The following VEPH1 variants were observed in gnomAD, a reference collection of about 807,000 sequenced individuals.
VEPH1 encodes the protein ventricular zone-expressed PH domain-containing protein homolog 1.
A neutral mutation model predicts 85.2 loss-of-function variants in VEPH1; 80 were observed. The observed-to-expected ratio is 0.94, with a 90% CI of 0.78 to 1.13. VEPH1 has a LOEUF of 1.13. VEPH1 is among the 50% of genes most tolerant of loss of function. The pLI is 0.00. For synonymous variants in VEPH1, 297 were observed against 348.0 expected (o/e 0.85, Z 1.63); for missense variants, 955 against 980.5 (o/e 0.97, Z 0.35).
intron 4 of VEPH1, among the ~76,000 whole-genome samples, chr3:157,457,651 T>A (rs937523157): frequency 5.9e-5 from 9 of 152,174 alleles, no homozygotes; most frequent in African/African-American, 1.4e-4. Context: ...TTAGTTGTGT[T>A]TATGTGATGA....
chr3:157,352,809 G>A (rs1725006464), intron 9 of VEPH1, among the ~76,000 whole-genome samples: 1 of 152,172 alleles, frequency 6.6e-6, no homozygotes, highest in African/African-American at 2.4e-5. Flanking sequence ...AAGTTATCCA[G>A]CCCAGTGTTT....
At chr3:157,292,150 T>C (rs7643340) in intron 11 of VEPH1, among the ~76,000 whole-genome samples, 94,719 of 151,978 alleles carry the variant, frequency 0.62, 29,693 homozygotes, top group Admixed American at 0.68. Flanking sequence ...AGGCTAGTCT[T>C]AGATGCTTGG....
chr3:157,461,736 C>A (rs1423165047), intron 3 of VEPH1, among the ~76,000 whole-genome samples: 1 of 152,048 alleles, frequency 6.6e-6, no homozygotes, highest in Non-Finnish European at 1.5e-5. Context: ...GGGGAAAAAA[C>A]ATATCCCCAC....
chr3:157,330,697 G>T (rs1722398554), intron 9 of VEPH1, among the ~76,000 whole-genome samples: 2 of 152,248 alleles, frequency 1.3e-5, no homozygotes, highest in African/African-American at 4.8e-5. Context: ...CAGCTGTAGG[G>T]ATCATGGAGC....
intron 9 of VEPH1, among the ~76,000 whole-genome samples, chr3:157,352,593 G>A (rs1724983261): frequency 6.6e-6 from 1 of 152,302 alleles, no homozygotes; most frequent in South Asian, 2.1e-4. Context: ...GAATGCAGAT[G>A]TCTAGAGAAA....
chr3:157,400,238 A>G (rs1411491682), intron 6 of VEPH1, among the ~76,000 whole-genome samples: 1 of 152,154 alleles, frequency 6.6e-6, no homozygotes, highest in Non-Finnish European at 1.5e-5. Context: ...GAAATAGCTG[A>G]TGAAAACAGA....
chr3:157,494,826 C>T (rs1739524251), intron 2 of VEPH1, among the ~76,000 whole-genome samples: 1 of 152,186 alleles, frequency 6.6e-6, no homozygotes, highest in Admixed American at 6.5e-5. Flanking sequence ...CTCCCACACA[C>T]ACCCTGCTCT....
intron 4 of VEPH1, among the ~76,000 whole-genome samples, chr3:157,446,532 G>C (rs2109274589): frequency 6.6e-6 from 1 of 152,214 alleles, no homozygotes; most frequent in South Asian, 2.1e-4. Flanking sequence ...TTACTTGATT[G>C]ACTTCACTTT....
intron 4 of VEPH1, among the ~76,000 whole-genome samples, chr3:157,436,134 G>T (rs4680365): frequency 0.39 from 59,226 of 151,578 alleles, 12,971 homozygotes; most frequent in Admixed American, 0.55. Context: ...AAAATTAACT[G>T]GGTGTGGTGG....
intron 12 of VEPH1, among the ~76,000 whole-genome samples, chr3:157,278,268 G>A (rs1465663817): frequency 6.6e-6 from 1 of 152,160 alleles, no homozygotes; most frequent in Non-Finnish European, 1.5e-5. Context: ...GTAATAAGAA[G>A]GCTAAGATCT....
intron 7 of VEPH1, among the ~76,000 whole-genome samples, chr3:157,373,131 A>G (rs1373806826): frequency 1.3e-5 from 2 of 152,206 alleles, no homozygotes; most frequent in Non-Finnish European, 2.9e-5. Context: ...AGATGAGGAA[A>G]CTGAGGCACA....
chr3:157,332,718 TG>T (rs1468877529), intron 9 of VEPH1, among the ~76,000 whole-genome samples: 1 of 152,236 alleles, frequency 6.6e-6, no homozygotes, highest in Non-Finnish European at 1.5e-5. Flanking sequence ...GTACATGTTT[TG>T]GTTTGAACAC....
intron 5 of VEPH1, among the ~76,000 whole-genome samples, chr3:157,426,942 G>A (rs1577628325): frequency 6.6e-6 from 1 of 151,348 alleles, no homozygotes; most frequent in East Asian, 1.9e-4. Flanking sequence ...CAAGTAGATG[G>A]GATTACAGGC....
intron 12 of VEPH1, among the ~76,000 whole-genome samples, chr3:157,277,382 T>G (rs1250688579): frequency 1.3e-5 from 2 of 152,138 alleles, no homozygotes; most frequent in African/African-American, 4.8e-5. Context: ...TGCCTGGGGT[T>G]GGAAAAAATA....
chr3:157,298,778 A>G (rs1177972496), intron 11 of VEPH1, among the ~76,000 whole-genome samples: 1 of 152,200 alleles, frequency 6.6e-6, no homozygotes, highest in East Asian at 1.9e-4. Flanking sequence ...TCTAGGAAAT[A>G]GTTTTTTTTA....
intron 3 of VEPH1, among the ~76,000 whole-genome samples, chr3:157,466,980 TG>T (rs1577725298): frequency 6.6e-6 from 1 of 152,228 alleles, no homozygotes; most frequent in East Asian, 1.9e-4. Context: ...TTAAGGTAAA[TG>T]TGGCAAGTTC....
In VEPH1 at chr3:157,397,751, A is replaced by G. The variant is rs1006292327; in HGVS notation, c.906+16130T>C. ...ATTGTTCTGTGTCATCAATTTTCTA[A>G]TCATATTCCTTCCAAGTCCCTGATC... On this transcript the variant is annotated intron_variant, in intron 6 of 13. Coordinates refer to ENST00000362010, the MANE Select transcript of VEPH1 (RefSeq NM_001167912.2). Among the ~76,000 whole-genome samples the G allele has an allele frequency of 3.9e-5, 6 of 152,048 alleles. No homozygotes were observed. The East Asian group carries it at 1.2e-3, about 29-fold the overall frequency.
intron 5 of VEPH1, among the ~76,000 whole-genome samples, chr3:157,426,362 A>G (rs1405953875): frequency 6.6e-6 from 1 of 152,208 alleles, no homozygotes; most frequent in Non-Finnish European, 1.5e-5. Flanking sequence ...CATAGTGCGA[A>G]GAGAGCCCCT....
At position 157,401,913 on chromosome 3, in the gene VEPH1, G is replaced by T. The variant is rs115579198; in HGVS notation, c.906+11968C>A. Among the ~76,000 whole-genome samples the T allele has an allele frequency of 5.2e-3, 796 of 152,202 alleles. 7 individuals are homozygous for T. The highest frequency in any genetic ancestry group is 0.018 in the African/African-American group (742 of 41,540). ...CTGCAGAAGAAAAAGTCCGAAATAT[G>T]CTTGCCTGGAGAAAACCATCAGTTT... is the stretch of plus-strand genomic sequence containing the variant. On this transcript the variant is annotated intron_variant, in intron 6 of 13. Coordinates refer to ENST00000362010, the MANE Select transcript of VEPH1 (RefSeq NM_001167912.2).
Sources: gnomAD v4.1 joint callset for allele counts (sites outside exome capture counted in the v4.1 genomes callset) on GRCh38, gnomAD v4.1.1 for gene constraint, MANE v1.5 for transcripts, NCBI Gene and HGNC (gene_info 2026-07-23, HGNC 2026-07-21) for gene names.